The following CELF2 variants were observed in gnomAD, a reference collection of about 807,000 sequenced individuals.
CELF2 encodes CUGBP Elav-like family member 2, also known as CUG triplet repeat RNA-binding protein 2.
Under a neutral mutation model 62.6 loss-of-function variants are expected in CELF2, and 8 were observed. That is an observed-to-expected ratio of 0.13 (90% CI 0.07 to 0.23). CELF2 has a LOEUF of 0.23. Among genes scored for constraint, CELF2 ranks in the 10% least tolerant of loss-of-function variants. CELF2 has a pLI of 1.00. For missense variants in CELF2, 333 were observed against 671.0 expected, an observed-to-expected ratio of 0.50 and a Z score of 5.56; for synonymous variants, 258 against 250.0, an observed-to-expected ratio of 1.03 and a Z score of -0.30.
At chr10:10,908,908 T>A (rs2063571774) in intron 1 of CELF2, among the ~76,000 whole-genome samples, 1 of 152,082 alleles carries the variant, frequency 6.6e-6, no homozygotes, top group African/African-American at 2.4e-5. Context: ...CTGCCTCAGC[T>A]CCCGAGTAGC....
chr10:10,934,863 C>T lies in CELF2; in HGVS notation c.89+14864C>T, dbSNP rs1412386698. The T allele has an allele frequency of 6.6e-6, 1 of 152,214 alleles. No individual in the cohort carries two copies. The highest frequency in any genetic ancestry group is 6.5e-5 in the Admixed American group (1 of 15,280). 9.4% of individuals were successfully genotyped at this position (152,214 alleles called of 1,614,324 possible). On this transcript the variant is annotated intron_variant, in intron 2 of 13. Coordinates refer to the CELF2 transcript ENST00000636488. This position sits in a 1 kb window ranked among gnomAD's most constrained non-coding sequence, Gnocchi z 4.4. ...TTTTGCAGTTGTCTTATCCTGGTGA[C>T]ATTCCCTGCTAAATTAGACAAGATG...
At chr10:11,259,623 A>G (rs1434660802) in intron 5 of CELF2, among the ~76,000 whole-genome samples, 1 of 152,146 alleles carries the variant, frequency 6.6e-6, no homozygotes, top group Admixed American at 6.5e-5. Flanking sequence ...TGCCATCGTC[A>G]GGGGCAAGCA....
chr10:10,522,984 A>AT, the CELF2 span, among the ~76,000 whole-genome samples: 1 of 152,240 alleles, frequency 6.6e-6, no homozygotes, highest in African/African-American at 2.4e-5. Context: ...AAAGGTGCTC[A>AT]GAGTTGAGGT....
At chr10:10,704,735 G>A in the CELF2 span, among the ~76,000 whole-genome samples, 3 of 151,980 alleles carry the variant, frequency 2.0e-5, no homozygotes, top group Admixed American at 6.6e-5. Context: ...TGTCTCCTGC[G>A]TCATGTCTGT....
chr10:11,065,806 C>T (rs1050234288), intron 1 of CELF2, among the ~76,000 whole-genome samples: 3 of 152,078 alleles, frequency 2.0e-5, no homozygotes, highest in African/African-American at 7.2e-5. Context: ...AGGAATAGAG[C>T]AGGGCAAGGA....
chr10:10,658,139 T>G, the CELF2 span, among the ~76,000 whole-genome samples: 2 of 152,154 alleles, frequency 1.3e-5, no homozygotes, highest in African/African-American at 4.8e-5. Flanking sequence ...TAAAAATTCC[T>G]GTCTGATGCA....
intron 8 of CELF2, among the ~76,000 whole-genome samples, chr10:11,287,106 C>T (rs2091507379): frequency 6.6e-6 from 1 of 152,116 alleles, no homozygotes; most frequent in Non-Finnish European, 1.5e-5. Flanking sequence ...CCTCCACCAG[C>T]GCCCCTACAC....
intron 12 of CELF2, among the ~76,000 whole-genome samples, chr10:11,326,746 A>G (rs1403577153): frequency 6.6e-6 from 1 of 152,230 alleles, no homozygotes; most frequent in Non-Finnish European, 1.5e-5. Flanking sequence ...TTCAGAGTAT[A>G]TATTACTTGG....
At chr10:10,916,197 C>T (rs1473837230) in intron 1 of CELF2, among the ~76,000 whole-genome samples, 1 of 152,146 alleles carries the variant, frequency 6.6e-6, no homozygotes, top group Non-Finnish European at 1.5e-5. Flanking sequence ...TAAAAACAAA[C>T]AAATGGTCAC....
At chr10:10,655,746 T>A in the CELF2 span, among the ~76,000 whole-genome samples, 1 of 132,656 alleles carries the variant, frequency 7.5e-6, no homozygotes, top group Non-Finnish European at 1.7e-5. Flanking sequence ...GACTTAAACG[T>A]TAGACCTAAA....
chr10:10,867,728 T>C (rs957269959), intron 1 of CELF2, among the ~76,000 whole-genome samples: 11 of 152,230 alleles, frequency 7.2e-5, no homozygotes, highest in African/African-American at 2.7e-4. Context: ...CCAAGATCAA[T>C]CCAGTCATGT....
the CELF2 span, among the ~76,000 whole-genome samples, chr10:10,738,596 A>G: frequency 1.3e-5 from 2 of 152,218 alleles, no homozygotes; most frequent in African/African-American, 4.8e-5. Flanking sequence ...AAAGTTGTAT[A>G]TATTTAAGAC....
At chr10:10,543,766 A>C in the CELF2 span, among the ~76,000 whole-genome samples, 1 of 151,690 alleles carries the variant, frequency 6.6e-6, no homozygotes, top group East Asian at 1.9e-4. Flanking sequence ...TTTCAACAAC[A>C]ACAACAACAA....
the CELF2 span, among the ~76,000 whole-genome samples, chr10:10,655,566 C>T: frequency 3.6e-5 from 4 of 111,064 alleles, no homozygotes; most frequent in Non-Finnish European, 6.0e-5. Flanking sequence ...GAAATAACGC[C>T]GCATATCTAC....
At chr10:10,888,192 A>C (rs1243278783) in intron 1 of CELF2, among the ~76,000 whole-genome samples, 1 of 152,252 alleles carries the variant, frequency 6.6e-6, no homozygotes, top group Non-Finnish European at 1.5e-5. Context: ...TTTCTAAAGG[A>C]CAAGAGATGT....
intron 9 of CELF2, among the ~76,000 whole-genome samples, chr10:11,303,399 G>A (rs891147411): frequency 2.6e-5 from 4 of 152,152 alleles, no homozygotes; most frequent in African/African-American, 7.2e-5. Flanking sequence ...CCATCCAGTC[G>A]CCACTCTGGG....
chr10:10,919,177 C>T (rs1188067669), intron 1 of CELF2, among the ~76,000 whole-genome samples: 3 of 151,700 alleles, frequency 2.0e-5, no homozygotes, highest in East Asian at 1.9e-4. Flanking sequence ...GGCTGAGGCA[C>T]GAGAATCGCT....
chr10:10,508,509 G>A, the CELF2 span, among the ~76,000 whole-genome samples: 1 of 152,174 alleles, frequency 6.6e-6, no homozygotes, highest in Non-Finnish European at 1.5e-5. Flanking sequence ...AATGTCCTGT[G>A]GGATTTATCT....
intron 1 of CELF2, among the ~76,000 whole-genome samples, chr10:10,873,080 A>G (rs1418763475): frequency 2.0e-5 from 3 of 152,264 alleles, no homozygotes; most frequent in Admixed American, 6.5e-5. Flanking sequence ...GCTTATGTAC[A>G]CACATATATT....
Sources: gnomAD v4.1 joint callset for allele counts (sites outside exome capture counted in the v4.1 genomes callset) on GRCh38, gnomAD v4.1.1 for gene constraint, Gnocchi (gnomAD v3.1) non-coding constraint, MANE v1.5 for transcripts, NCBI Gene and HGNC (gene_info 2026-07-23, HGNC 2026-07-21) for gene names.